The following TRAPPC9 variants were observed in gnomAD, a reference collection of about 807,000 sequenced individuals.
The protein encoded by TRAPPC9 is IKK2 binding protein.
In TRAPPC9, 83 loss-of-function variants were observed where a neutral mutation model predicts 124.0. The observed-to-expected ratio is 0.67, with a 90% CI of 0.56 to 0.80. TRAPPC9 has a LOEUF of 0.80. TRAPPC9 is among the 30% of genes least tolerant of loss of function. The pLI is 0.00. For missense variants in TRAPPC9, 1,302 were observed against 1,508.3 expected, an observed-to-expected ratio of 0.86 and a Z score of 2.27; for synonymous variants, 638 against 617.5, an observed-to-expected ratio of 1.03 and a Z score of -0.49.
chr8:139,896,957 T>C (rs1416879434), intron 20 of TRAPPC9, among the ~76,000 whole-genome samples: 1 of 152,224 alleles, frequency 6.6e-6, no homozygotes, highest in Non-Finnish European at 1.5e-5. Context: ...GAGACAGAGA[T>C]GAACACACTG....
rs561795175 is a variant in TRAPPC9 at position 140,195,219 on chromosome 8, G to A, written c.2556+26240C>T. On this transcript the variant is annotated intron_variant, in intron 17 of 22. Coordinates refer to ENST00000438773, the MANE Select transcript of TRAPPC9 (RefSeq NM_001160372.4). ...CCTGTGAAACTAAAACACACTCAATGATCCACCGTACAGATAACACCTGTG... is the reference window on the plus strand; with the variant it reads ...CCTGTGAAACTAAAACACACTCAATAATCCACCGTACAGATAACACCTGTG... Among the ~76,000 whole-genome samples the A allele has an allele frequency of 1.1e-4, 16 of 148,296 alleles. 1 individual carries two copies. The highest frequency in any genetic ancestry group is 3.0e-4 in the African/African-American group (12 of 39,862).
intron 1 of TRAPPC9, among the ~76,000 whole-genome samples, chr8:140,455,430 TTTTG>T (rs879671618): frequency 2.0e-5 from 3 of 148,764 alleles, no homozygotes; most frequent in Non-Finnish European, 3.0e-5. Flanking sequence ...TATTCTTGTT[TTTTG>T]TTTGTTTGTT....
At chr8:139,945,530 A>C (rs914618977) in intron 19 of TRAPPC9, among the ~76,000 whole-genome samples, 6 of 142,006 alleles carry the variant, frequency 4.2e-5, no homozygotes, top group Non-Finnish European at 7.5e-5. Flanking sequence ...TCCACAATTG[A>C]CAGCACAATT....
intron 21 of TRAPPC9, among the ~76,000 whole-genome samples, chr8:139,843,828 C>T (rs531776926): frequency 2.0e-5 from 3 of 152,344 alleles, no homozygotes; most frequent in Non-Finnish European, 2.9e-5. Flanking sequence ...CTGACTCTGC[C>T]CTCTGGCACT....
chr8:140,453,915 A>G (rs2071557878), intron 1 of TRAPPC9, among the ~76,000 whole-genome samples: 1 of 152,226 alleles, frequency 6.6e-6, no homozygotes, highest in African/African-American at 2.4e-5. Context: ...GGTTTAACAG[A>G]AGCTGAGAAA....
chr8:139,850,017 G>C (rs940419022), intron 21 of TRAPPC9, among the ~76,000 whole-genome samples: 2 of 152,088 alleles, frequency 1.3e-5, no homozygotes, highest in Non-Finnish European at 2.9e-5. Flanking sequence ...TCTGCTTCTC[G>C]GTTCCCGCAT....
intron 21 of TRAPPC9, among the ~76,000 whole-genome samples, chr8:139,736,830 C>A (rs1818201685): frequency 6.6e-6 from 1 of 152,200 alleles, no homozygotes. Context: ...TGGGCCCGAA[C>A]AAGCGGTGTC....
chr8:140,247,449 T>C (rs908507357), intron 16 of TRAPPC9, among the ~76,000 whole-genome samples: 26 of 152,194 alleles, frequency 1.7e-4, no homozygotes, highest in African/African-American at 6.3e-4. Flanking sequence ...GCTATCTGGG[T>C]CTAAAAGCCC....
intron 20 of TRAPPC9, among the ~76,000 whole-genome samples, chr8:139,889,335 C>T (rs563180663): frequency 6.6e-6 from 1 of 152,022 alleles, no homozygotes; most frequent in African/African-American, 2.4e-5. Context: ...GGCCTAACCA[C>T]GGAGCTGAAC....
chr8:140,223,069 T>C (rs978570311), intron 16 of TRAPPC9, among the ~76,000 whole-genome samples: 7 of 152,320 alleles, frequency 4.6e-5, no homozygotes, highest in South Asian at 2.1e-4. Context: ...GTTTATTCCA[T>C]AGGTAAACGT....
At chr8:140,423,998 G>A (rs993423534) in intron 5 of TRAPPC9, among the ~76,000 whole-genome samples, 2 of 152,124 alleles carry the variant, frequency 1.3e-5, no homozygotes, top group Non-Finnish European at 2.9e-5. Flanking sequence ...GAGAGTGACT[G>A]CTAACAGGTA....
At chr8:139,987,891 T>G (rs1438020184) in intron 19 of TRAPPC9, among the ~76,000 whole-genome samples, 1 of 152,034 alleles carries the variant, frequency 6.6e-6, no homozygotes, top group African/African-American at 2.4e-5. Flanking sequence ...CCGCATCAGC[T>G]CCTCACTCAC....
At chr8:139,999,154 T>C (rs1838231526) in intron 18 of TRAPPC9, among the ~76,000 whole-genome samples, 1 of 152,048 alleles carries the variant, frequency 6.6e-6, no homozygotes, top group Non-Finnish European at 1.5e-5. Context: ...ATGACTTAAA[T>C]AGTCTCATTA....
At chr8:140,082,084 G>C (rs1201127824) in intron 17 of TRAPPC9, 1 of 152,204 alleles carries the variant, frequency 6.6e-6, no homozygotes, top group East Asian at 1.9e-4. Context: ...AACAAGCAAA[G>C]GATGTTGTCA....
At chr8:140,101,547 T>TG (rs1309622752) in intron 17 of TRAPPC9, among the ~76,000 whole-genome samples, 3 of 138,786 alleles carry the variant, frequency 2.2e-5, no homozygotes, top group Non-Finnish European at 4.7e-5. Context: ...TTTTGTTTTT[T>TG]TTTTTTTTTT....
chr8:140,177,466 T>C (rs1004830738), intron 17 of TRAPPC9, among the ~76,000 whole-genome samples: 2 of 152,192 alleles, frequency 1.3e-5, no homozygotes, highest in East Asian at 3.8e-4. Context: ...ATGGGTCTAT[T>C]ACTATTAATG....
intron 19 of TRAPPC9, among the ~76,000 whole-genome samples, chr8:139,952,068 CT>C (rs2131511529): frequency 6.6e-6 from 1 of 152,306 alleles, no homozygotes; most frequent in African/African-American, 2.4e-5. Flanking sequence ...TCTCCTCAAG[CT>C]TAAAAGCTGA....
At chr8:140,202,901 A>G (rs1264040816) in intron 17 of TRAPPC9, among the ~76,000 whole-genome samples, 1 of 152,260 alleles carries the variant, frequency 6.6e-6, no homozygotes, top group Non-Finnish European at 1.5e-5. Flanking sequence ...AAGGGAAATC[A>G]GGGGATGGAG....
At chr8:140,412,615 A>G (rs2069746718) in intron 5 of TRAPPC9, among the ~76,000 whole-genome samples, 1 of 152,222 alleles carries the variant, frequency 6.6e-6, no homozygotes, top group South Asian at 2.1e-4. Flanking sequence ...AATCGCTCAA[A>G]AAAAACTTTG....
Sources: allele counts gnomAD v4.1 joint callset (sites outside exome capture counted in the v4.1 genomes callset), GRCh38; gene constraint gnomAD v4.1.1; transcripts MANE v1.5; gene names NCBI Gene and HGNC (gene_info 2026-07-23, HGNC 2026-07-21).